Variants in KCNJ6 observed in about 807,000 individuals in gnomAD.
KCNJ6 encodes the protein G protein-activated inward rectifier potassium channel 2.
A neutral mutation model predicts 34.2 loss-of-function variants in KCNJ6; 9 were observed. The observed-to-expected ratio is 0.26, with a 90% CI of 0.16 to 0.46. The LOEUF is 0.46. Ranked by LOEUF, KCNJ6 falls within the 20% of genes least tolerant of loss-of-function variation. The pLI is 1.00. For synonymous variants in KCNJ6, 196 were observed against 207.1 expected (o/e 0.95, Z 0.46); for missense variants, 236 against 531.3 (o/e 0.44, Z 5.46).
intron 2 of KCNJ6, among the ~76,000 whole-genome samples, chr21:37,723,258 TA>T (rs1340583825): frequency 6.6e-6 from 1 of 152,116 alleles, no homozygotes; most frequent in African/African-American, 2.4e-5. Flanking sequence ...TGGCTATTAT[TA>T]AAAAGTCAAA....
chr21:37,881,314 G>C (rs529683849), intron 1 of KCNJ6, among the ~76,000 whole-genome samples: 6 of 152,244 alleles, frequency 3.9e-5, no homozygotes, highest in Admixed American at 3.9e-4. Flanking sequence ...TTGACTGGAT[G>C]GTTGAAACAA....
intron 2 of KCNJ6, among the ~76,000 whole-genome samples, chr21:37,831,433 C>A (rs77811602): frequency 0.014 from 2,181 of 152,280 alleles, 67 homozygotes; most frequent in African/African-American, 0.05. Context: ...CTGAGTGCCT[C>A]ACTCCCCTGG....
At chr21:37,800,715 A>ATCTTCCTGATCATTTTCTCC (rs1321575577) in intron 2 of KCNJ6, among the ~76,000 whole-genome samples, 2 of 152,192 alleles carry the variant, frequency 1.3e-5, no homozygotes, top group Non-Finnish European at 2.9e-5. Context: ...CCTGTTTGCC[A>ATCTTCCTGATCATTTTCTCC]TCTTCCTGAT....
At chr21:37,794,854 C>T (rs532059259) in intron 2 of KCNJ6, among the ~76,000 whole-genome samples, 20 of 151,172 alleles carry the variant, frequency 1.3e-4, no homozygotes, top group African/African-American at 3.4e-4. Context: ...CAAACCTGCA[C>T]GTTCTGCACA....
rs897156917 is a variant in KCNJ6 at position 37,667,123 on chromosome 21, C to T, written c.947-41639G>A. 1.9e-4 allele frequency among the ~76,000 whole-genome samples: 25 copies of T among 134,152 alleles called. No homozygotes were observed. In the South Asian group the frequency reaches 2.0e-3, roughly 10 times the overall value. 88.0% of individuals were successfully genotyped at this position (134,152 alleles called of 152,430 possible). ...TATGACCCTGCCACATCCCCCTCTC[C>T]GAGAAACACCCAAGAATGAGCAATA... is the stretch of plus-strand genomic sequence containing the variant. On this transcript the variant is annotated intron_variant, in intron 3 of 3. Transcript: ENST00000609713.
At chr21:37,666,704 G>A (rs546823024) in intron 3 of KCNJ6, among the ~76,000 whole-genome samples, 7 of 151,888 alleles carry the variant, frequency 4.6e-5, no homozygotes, top group South Asian at 4.2e-4. Flanking sequence ...CAGTTTTGTC[G>A]AAAAGAAAGG....
intron 2 of KCNJ6, among the ~76,000 whole-genome samples, chr21:37,804,646 C>T (rs979894238): frequency 2.0e-5 from 3 of 152,132 alleles, no homozygotes; most frequent in Non-Finnish European, 2.9e-5. Flanking sequence ...TCATTTAGCT[C>T]CCCCTTATAA....
At chr21:37,642,310 G>C (rs143817300) in intron 3 of KCNJ6, among the ~76,000 whole-genome samples, 1 of 152,288 alleles carries the variant, frequency 6.6e-6, no homozygotes, top group East Asian at 1.9e-4. Context: ...GGAGAAGGGG[G>C]ATGAGCCTGT....
chr21:37,725,484 C>T (rs1221871926), intron 2 of KCNJ6, among the ~76,000 whole-genome samples: 2 of 152,080 alleles, frequency 1.3e-5, no homozygotes, highest in African/African-American at 2.4e-5. Context: ...CCCTAAGATT[C>T]GCAAAATTTT....
chr21:37,781,604 C>T (rs529019000), intron 2 of KCNJ6, among the ~76,000 whole-genome samples: 6 of 152,146 alleles, frequency 3.9e-5, no homozygotes, highest in South Asian at 2.1e-4. Flanking sequence ...ATGAGGCAGG[C>T]GCTGGTCTAG....
intron 3 of KCNJ6, among the ~76,000 whole-genome samples, chr21:37,674,848 G>A (rs1025707417): frequency 6.6e-6 from 1 of 152,072 alleles, no homozygotes; most frequent in African/African-American, 2.4e-5. Flanking sequence ...CTAGAACACT[G>A]CAGAGCGCAT....
In KCNJ6 at chr21:37,863,866, T is replaced by TTG. The variant is rs1429116848; in HGVS notation, c.-27-23158_-27-23157insCA. On this transcript the variant is annotated intron_variant, in intron 1 of 3. Transcript: ENST00000609713. Reference sequence around the variant, plus strand: ...TAAAGGTTTTTTTTTTTTTGTTTTTTTTTTTTTTTGGTGAAGAGAGAGAAG... The same window carrying TTG: ...TAAAGGTTTTTTTTTTTTTGTTTTTTTGTTTTTTTTTGGTGAAGAGAGAGAAG... Among the ~76,000 whole-genome samples the TTG allele has an allele frequency of 4.8e-5, 7 of 145,322 alleles. 1 individual carries two copies. The highest frequency in any genetic ancestry group is 4.0e-4 in the East Asian group (2 of 5,022).
At chr21:37,847,948 G>T (rs1331748918) in intron 1 of KCNJ6, among the ~76,000 whole-genome samples, 1 of 152,216 alleles carries the variant, frequency 6.6e-6, no homozygotes, top group Non-Finnish European at 1.5e-5. Context: ...GAATACTCCA[G>T]ATGGAGAAAT....
At chr21:37,833,685 T>A (rs2055438121) in intron 2 of KCNJ6, among the ~76,000 whole-genome samples, 1 of 152,186 alleles carries the variant, frequency 6.6e-6, no homozygotes, top group Non-Finnish European at 1.5e-5. Flanking sequence ...CATATGCATG[T>A]ACATTCAGCC....
At chr21:37,739,960 T>C (rs2054932209) in intron 2 of KCNJ6, among the ~76,000 whole-genome samples, 1 of 151,624 alleles carries the variant, frequency 6.6e-6, no homozygotes, top group East Asian at 1.9e-4. Flanking sequence ...AAGAAATGAA[T>C]CATGGTCCCA....
chr21:37,914,015 G>GTGTGTGTGTA (rs1185565406), intron 1 of KCNJ6, among the ~76,000 whole-genome samples: 1 of 141,766 alleles, frequency 7.1e-6, no homozygotes, highest in Non-Finnish European at 1.5e-5. Context: ...CGGGGTGTGT[G>GTGTGTGTGTA]TGTGTGTGTG....
intron 2 of KCNJ6, among the ~76,000 whole-genome samples, chr21:37,830,810 C>T (rs2055422205): frequency 6.6e-6 from 1 of 152,282 alleles, no homozygotes; most frequent in Non-Finnish European, 1.5e-5. Context: ...GAATGTCACG[C>T]GTGATGGTTC....
chr21:37,687,465 T>C (rs541876626), intron 3 of KCNJ6, among the ~76,000 whole-genome samples: 2 of 152,314 alleles, frequency 1.3e-5, no homozygotes, highest in African/African-American at 2.4e-5. Flanking sequence ...TCAGCTACTG[T>C]TCTGTCCTTC....
intron 3 of KCNJ6, among the ~76,000 whole-genome samples, chr21:37,692,449 C>G (rs1009736657): frequency 6.6e-6 from 1 of 152,170 alleles, no homozygotes; most frequent in Non-Finnish European, 1.5e-5. Context: ...CCAGTCCCAG[C>G]TCCCACACTG....
Sources: allele counts gnomAD v4.1 joint callset (sites outside exome capture counted in the v4.1 genomes callset), GRCh38; gene constraint gnomAD v4.1.1; transcripts MANE v1.5; gene names NCBI Gene and HGNC (gene_info 2026-07-23, HGNC 2026-07-21).